XPOT: variants seen among roughly 807,000 people sequenced by gnomAD.
XPOT encodes the protein exportin-T.
A neutral mutation model predicts 128.2 loss-of-function variants in XPOT; 34 were observed. That is an observed-to-expected ratio of 0.27 (90% CI 0.20 to 0.35). XPOT has a LOEUF of 0.35. Among genes scored for constraint, XPOT ranks in the 10% least tolerant of loss-of-function variants. The probability of loss-of-function intolerance (pLI) is 1.00; values close to 1 mark genes in which losing one functional copy is unlikely to be tolerated. For synonymous variants in XPOT, 348 were observed against 394.3 expected, an observed-to-expected ratio of 0.88 and a Z score of 1.39; for missense variants, 838 against 1,125.3, an observed-to-expected ratio of 0.74 and a Z score of 3.65.
At position 64,409,634 on chromosome 12, in the gene XPOT, G is replaced by C. The variant is rs559560952; in HGVS notation, c.-74-328G>C. 311 of 161,500 alleles carry C rather than the reference G, an allele frequency of 1.9e-3. 1 individual carries two copies. Among genetic ancestry groups the C allele is most frequent in the Non-Finnish European group, 3.5e-3 (258 of 74,116 alleles). 10.0% of individuals were successfully genotyped at this position (161,500 alleles called of 1,614,324 possible). On this transcript the variant is annotated intron_variant, in intron 1 of 24. Coordinates refer to ENST00000332707, the MANE Select transcript of XPOT (RefSeq NM_007235.6). ...CCTGTAGTCCCAGCTACTCGGGAGG[G>C]TGAGGCAGGAGAATGGCGTGAACCT...
chr12:64,409,819 T>G, intron 1 of XPOT, 143 bp from the exon 2 acceptor site: 1 of 525,972 alleles, frequency 1.9e-6, no homozygotes. Context: ...GCTCTAACTT[T>G]TAGTTGTAAT....
At chr12:64,426,298 CAAAAA>C (rs144538945) in intron 15 of XPOT, among the ~76,000 whole-genome samples, 2 of 123,716 alleles carry the variant, frequency 1.6e-5, no homozygotes, top group South Asian at 2.7e-4. Context: ...GACTCAGTCT[CAAAAA>C]AAAAAAAAAA....
intron 15 of XPOT, among the ~76,000 whole-genome samples, chr12:64,426,318 A>G (rs2040192317): frequency 6.6e-6 from 1 of 151,904 alleles, no homozygotes; most frequent in African/African-American, 2.4e-5. Context: ...AAAAAAGAAA[A>G]AGAAAATGTA....
At position 64,406,499 on chromosome 12, in the gene XPOT, G is replaced by A. The variant is rs2039984561; in HGVS notation, c.-75+1695G>A. On this transcript the variant is annotated intron_variant, in intron 1 of 24. Transcript: ENST00000332707. ...TTCTCCTGCCTCAGCCTCCCGAATA[G>A]CTGGGATTGCAGGCATGTGCCACCA... 2.0e-5 allele frequency among the ~76,000 whole-genome samples: 3 copies of A among 152,096 alleles called. No homozygotes were observed. In the South Asian group the frequency reaches 6.2e-4, roughly 32 times the overall value.
intron 1 of XPOT, among the ~76,000 whole-genome samples, chr12:64,407,418 A>G (rs2039993360): frequency 6.6e-6 from 1 of 151,588 alleles, no homozygotes; most frequent in Admixed American, 6.6e-5. Flanking sequence ...CCCAGGAGCC[A>G]GAGGCTGCAG....
Position 64,425,029 on chromosome 12 carries a change from C to T in XPOT, c.1308-9C>T. On this transcript the variant is annotated splice_polypyrimidine_tract_variant and intron_variant, in intron 12 of 24. Coordinates refer to ENST00000332707, the MANE Select transcript of XPOT (RefSeq NM_007235.6). ...CTTTAAATCTCACTGACATATTATA[C>T]CTTGGTAGGAATTGGCAGACTACAC... 1 of 1,612,098 alleles carries T rather than the reference C, an allele frequency of 6.2e-7. No individual in the cohort carries two copies. The highest frequency in any genetic ancestry group is 1.7e-5 in the Admixed American group (1 of 59,990).
chr12:64,449,920 A>G lies in XPOT; in HGVS notation c.*1789A>G, dbSNP rs1336128106. The G allele has an allele frequency of 6.6e-6, 1 of 152,222 alleles. No individual in the cohort carries two copies. Among genetic ancestry groups the G allele is most frequent in the African/African-American group, 2.4e-5 (1 of 41,466 alleles). The allele number at this position is 152,222 out of a possible 1,614,324, so 9.4% of individuals were successfully genotyped here. A position where few individuals can be genotyped will look rare whatever the true frequency, so the allele number is the denominator to read the frequency against. ...ATCAGATTAAGTAGGTTCAAATACCAGTTCTGCCAGTAACTGGTTTTAGAA... is the reference window on the plus strand; with the variant it reads ...ATCAGATTAAGTAGGTTCAAATACCGGTTCTGCCAGTAACTGGTTTTAGAA... On this transcript the variant is annotated 3_prime_UTR_variant, in exon 25 of 25. Coordinates refer to ENST00000332707, the MANE Select transcript of XPOT (RefSeq NM_007235.6).
chr12:64,426,132 C>A (rs1188229597), intron 15 of XPOT, among the ~76,000 whole-genome samples: 8 of 151,636 alleles, frequency 5.3e-5, no homozygotes, highest in South Asian at 2.1e-4. Flanking sequence ...ATGGTGAAAC[C>A]CCATCTCTAC....
chr12:64,413,295 G>T (rs556901601), intron 2 of XPOT, among the ~76,000 whole-genome samples: 1 of 152,082 alleles, frequency 6.6e-6, no homozygotes, highest in Non-Finnish European at 1.5e-5. Flanking sequence ...TAGAGACAGG[G>T]TCCCACTATG....
chr12:64,431,397 G>A (rs1461766462), intron 17 of XPOT, 141 bp from the exon 18 acceptor site: 3 of 773,790 alleles, frequency 3.9e-6, no homozygotes, highest in Non-Finnish European at 2.1e-6. Context: ...GCTAAAGATG[G>A]AAGTAATTGT....
chr12:64,434,956 C>A, intron 21 of XPOT, 47 bp downstream of exon 21: 1 of 1,468,586 alleles, frequency 6.8e-7, no homozygotes. Context: ...TCATATATTC[C>A]CAATTTCTTC....
Position 64,448,525 on chromosome 12 carries a change from G to A in XPOT, c.*394G>A, listed in dbSNP as rs1050605798. The A allele has an allele frequency of 1.2e-5, 2 of 163,876 alleles. No homozygotes were observed. Among genetic ancestry groups the A allele is most frequent in the African/African-American group, 4.8e-5 (2 of 41,748 alleles). The allele number at this position is 163,876 out of a possible 1,614,324, so 10.2% of individuals were successfully genotyped here. ...TTTATGTGTGAAGACACAAAGTATG[G>A]GGGAAGACAGCAATCAAAACTAACT... is the stretch of plus-strand genomic sequence containing the variant. On this transcript the variant is annotated 3_prime_UTR_variant, in exon 25 of 25. Coordinates refer to ENST00000332707, the MANE Select transcript of XPOT (RefSeq NM_007235.6).
chr12:64,414,972 A>C lies in XPOT; in HGVS notation c.126A>C (p.Leu42=). 6.2e-7 allele frequency: 1 copy of C among 1,612,598 alleles called. No homozygotes were observed. The highest frequency in any genetic ancestry group is 8.5e-7 in the Non-Finnish European group (1 of 1,178,820). ...PDAWQVCAEA[L]AQRTYSDDHV... Reference sequence around the variant, plus strand: ...CCTGGCAGGTGTGTGCAGAAGCTCTAGCCCAGAGGACATACAGGTAATTAA... The same window carrying C: ...CCTGGCAGGTGTGTGCAGAAGCTCTCGCCCAGAGGACATACAGGTAATTAA... The change falls in exon 3 of 25, where the codon CTA becomes CTC. Residue 42 remains leucine, a synonymous_variant. Coordinates refer to ENST00000332707, the MANE Select transcript of XPOT (RefSeq NM_007235.6).
In XPOT at chr12:64,418,969, C is replaced by T. The variant is rs2040112991; in HGVS notation, c.364C>T (p.Pro122Ser). The T allele has an allele frequency of 6.2e-7, 1 of 1,614,060 alleles. No individual in the cohort carries two copies. ...TGTTACAGAGTATCTCACTAAGTGG[C>T]CCAAGTTTTTTTTTGACATTCTCTC... Reference protein sequence around the residue: ...LFVTEYLTKWPKFFFDILSVV... With the variant: ...LFVTEYLTKWSKFFFDILSVV... Residue 122 changes from proline (P) to serine (S), a missense_variant, in exon 6 of 25, where the codon CCC becomes TCC. Around this residue, in one of 3 missense-constraint regions of XPOT, gnomAD observed 761 missense variants for 988.3 expected, o/e 0.77. Coordinates refer to ENST00000332707, the MANE Select transcript of XPOT (RefSeq NM_007235.6).
chr12:64,416,293 C>T (rs1039589035), intron 3 of XPOT, among the ~76,000 whole-genome samples: 36 of 152,198 alleles, frequency 2.4e-4, no homozygotes, highest in African/African-American at 8.2e-4. Flanking sequence ...AGGACTTGGA[C>T]GACCATCTTT....
chr12:64,430,930 CTCTTTTTTTTCTTTTT>C (rs2040233540), intron 17 of XPOT, among the ~76,000 whole-genome samples: 1 of 151,944 alleles, frequency 6.6e-6, no homozygotes, highest in Non-Finnish European at 1.5e-5. Context: ...TAGGATTTTT[CTCTTTTTTTTCTTTTT>C]TCTTTTTTTT....
At chr12:64,414,095 A>G (rs1057049562) in intron 2 of XPOT, among the ~76,000 whole-genome samples, 15 of 152,194 alleles carry the variant, frequency 9.9e-5, no homozygotes, top group Admixed American at 2.0e-4. Context: ...GTTCACTACT[A>G]TTTGTCCATT....
chr12:64,421,050 C>G (rs1384355620), intron 8 of XPOT, among the ~76,000 whole-genome samples, 185 bp from the exon 9 acceptor site: 1 of 152,196 alleles, frequency 6.6e-6, no homozygotes, highest in Non-Finnish European at 1.5e-5. Flanking sequence ...AATCCACCCA[C>G]TTCGGCCTTC....
intron 1 of XPOT, among the ~76,000 whole-genome samples, chr12:64,408,965 A>G (rs1260796607): frequency 6.6e-6 from 1 of 152,058 alleles, no homozygotes; most frequent in African/African-American, 2.4e-5. Flanking sequence ...GAGCCACTGT[A>G]GCTGGCTGGT....
Sources: allele counts gnomAD v4.1 joint callset (sites outside exome capture counted in the v4.1 genomes callset), GRCh38; gene constraint gnomAD v4.1.1; regional missense constraint gnomAD v4.1.1; transcripts MANE v1.5; gene names NCBI Gene and HGNC (gene_info 2026-07-23, HGNC 2026-07-21).